SHPK: variants seen among roughly 807,000 people sequenced by gnomAD.
SHPK encodes the protein sedoheptulokinase.
In SHPK, 51 loss-of-function variants were observed where a neutral mutation model predicts 46.3. The ratio of observed to expected loss-of-function variants is 1.10; its 90% CI spans 0.88 to 1.39. The LOEUF (loss-of-function observed/expected upper bound fraction) is 1.39, where lower values mean the gene tolerates loss of function less well. SHPK is among the 40% of genes most tolerant of loss of function. The pLI is 0.00. For synonymous variants in SHPK, 290 were observed against 273.9 expected, an observed-to-expected ratio of 1.06 and a Z score of -0.58; for missense variants, 668 against 641.3, an observed-to-expected ratio of 1.04 and a Z score of -0.45.
At chr17:3,615,314 G>C in intron 6 of SHPK, 23 bp downstream of exon 6, 1 of 1,611,232 alleles carries the variant, frequency 6.2e-7, no homozygotes, top group Non-Finnish European at 8.5e-7. Context: ...AGAGAACACA[G>C]CGCTGTGTGG....
chr17:3,623,290 C>T, intron 4 of SHPK, 49 bp downstream of exon 4: 1 of 1,603,530 alleles, frequency 6.2e-7, no homozygotes. Flanking sequence ...TCCGGGGTTG[C>T]CCTTCAGATT....
rs377097464 is a variant in SHPK, at chr17:3,619,522, G to A, written c.823+1715C>T. The stretch of plus-strand genomic sequence containing the variant: ...GGCCAAGGCAGGCAGATCACAAGGT[G>A]AAGAGATTGAGACCATCCTGGCCAA... On this transcript the variant is annotated intron_variant, in intron 5 of 6. Coordinates refer to ENST00000225519, the MANE Select transcript of SHPK (RefSeq NM_013276.4). 134 of 586,072 alleles carry A rather than the reference G, an allele frequency of 2.3e-4. 2 individuals are homozygous for A. The East Asian group carries it at 4.8e-3, about 21-fold the overall frequency. 36.3% of individuals were successfully genotyped at this position (586,072 alleles called of 1,614,324 possible).
In SHPK at chr17:3,615,437, TG is replaced by T. The variant is rs2075366561; in HGVS notation, c.923del (p.Pro308HisfsTer34). ...CCCCCAGGTAGGTCCTGTTGAAGTA[TG>T]GGAAGTAGGCGACTGGGGCCGTAGG... Reference protein sequence around the residue: ...PDPTAPVAYFPYFNRTYLGVA... With the variant: ...PDPTAPVAYFXYFNRTYLGVA... On this transcript the variant is annotated frameshift_variant, in exon 6 of 7. Coordinates refer to ENST00000225519, the MANE Select transcript of SHPK (RefSeq NM_013276.4). LOFTEE classifies it high-confidence loss of function. The T allele has an allele frequency of 1.2e-6, 2 of 1,614,114 alleles. No homozygotes were observed. Among genetic ancestry groups the T allele is most frequent in the African/African-American group, 1.3e-5 (1 of 75,026 alleles).
At position 3,630,245 on chromosome 17, in the gene SHPK, C is replaced by A; in HGVS notation, c.270G>T (p.Ser90=). The A allele has an allele frequency of 6.2e-7, 1 of 1,613,718 alleles. No individual in the cohort carries two copies. Among genetic ancestry groups the A allele is most frequent in the Non-Finnish European group, 8.5e-7 (1 of 1,179,966 alleles). Residue 90 remains serine, a synonymous_variant, in exon 2 of 7, where the codon TCG becomes TCT. Coordinates refer to ENST00000225519, the MANE Select transcript of SHPK (RefSeq NM_013276.4). ...QLRSVVGIGV[S]GQMHGVVFWK... ...AAAACACGACTCCATGCATCTGGCC[C>A]GACACCCCGATGCCCACGACGCTCC...
rs1287027811 is a variant in SHPK at position 3,610,595 on chromosome 17, T to G, written c.1402A>C (p.Met468Leu). ...VDAAVGAALVMLRRHLNQKES is the reference protein window; with the variant it reads ...VDAAVGAALVLLRRHLNQKES Reference sequence around the variant, plus strand: ...TTCTGGTTGAGGTGTCTCCGGAGCATGACCAGAGCTGCCCCGACAGCTGCA... The same window carrying G: ...TTCTGGTTGAGGTGTCTCCGGAGCAGGACCAGAGCTGCCCCGACAGCTGCA... Residue 468 changes from methionine to leucine, a missense_variant, in exon 7 of 7, where the codon ATG becomes CTG. By Grantham distance (15) the Met-to-Leu change is conservative. Transcript: ENST00000225519. 6.2e-7 allele frequency: 1 copy of G among 1,611,494 alleles called. No homozygotes were observed. The highest frequency in any genetic ancestry group is 1.7e-5 in the Admixed American group (1 of 59,950).
In SHPK at chr17:3,622,553, C is replaced by G. The variant is rs2075409274; in HGVS notation, c.647+786G>C. Reference sequence around the variant, plus strand: ...CTGGAAAGTCCTTTACCTGAACTACCAGGTGCTTTTTGTTTTATTTCAGAG... The same window carrying G: ...CTGGAAAGTCCTTTACCTGAACTACGAGGTGCTTTTTGTTTTATTTCAGAG... On this transcript the variant is annotated intron_variant, in intron 4 of 6. Transcript: ENST00000225519. 3 of 983,464 alleles carry G rather than the reference C, an allele frequency of 3.1e-6. No homozygotes were observed. The African/African-American group carries it at 5.2e-5, about 17-fold the overall frequency. 60.9% of individuals were successfully genotyped at this position (983,464 alleles called of 1,614,324 possible). A position where few individuals can be genotyped will look rare whatever the true frequency, so the allele number is the denominator to read the frequency against.
At position 3,636,092 on chromosome 17, in the gene SHPK, C is replaced by G; in HGVS notation, c.128G>C (p.Arg43Pro). 1 of 1,600,988 alleles carries G rather than the reference C, an allele frequency of 6.2e-7. No individual in the cohort carries two copies. The highest frequency in any genetic ancestry group is 8.5e-7 in the Non-Finnish European group (1 of 1,174,698). Residue 43 changes from arginine to proline, a missense_variant, in exon 1 of 7, where the codon CGG becomes CCG. Physicochemically the swap from Arg to Pro is moderately radical, Grantham distance 103. Transcript: ENST00000225519. ...AVLASCARAA[R>P]AEAAVESAVA... is the part of the protein sequence containing the mutation. Reference sequence around the variant, plus strand: ...CGCGCTCTCGACCGCCGCCTCTGCCCGCGCAGCACGGGCACAGCTCGCCAG... The same window carrying G: ...CGCGCTCTCGACCGCCGCCTCTGCCGGCGCAGCACGGGCACAGCTCGCCAG...
intron 1 of SHPK, 85 bp from the exon 2 acceptor site, chr17:3,630,431 G>T: frequency 2.9e-6 from 4 of 1,358,484 alleles, no homozygotes; most frequent in Non-Finnish European, 4.0e-6. Flanking sequence ...CCTGGAGGAG[G>T]AATGCAGTGG....
intron 5 of SHPK, chr17:3,619,572 A>G: frequency 2.3e-6 from 1 of 443,882 alleles, no homozygotes; most frequent in Non-Finnish European, 4.2e-6. Flanking sequence ...GTGTCTACTA[A>G]AAATGCAAAC....
intron 1 of SHPK, among the ~76,000 whole-genome samples, chr17:3,631,094 G>C (rs760276916): frequency 1.3e-5 from 2 of 152,064 alleles, no homozygotes; most frequent in African/African-American, 2.4e-5. Flanking sequence ...CCTTGGTCAG[G>C]GGCAGCTCTT....
chr17:3,612,717 C>T (rs561712276), intron 6 of SHPK, among the ~76,000 whole-genome samples: 1 of 151,110 alleles, frequency 6.6e-6, no homozygotes, highest in African/African-American at 2.4e-5. Context: ...CCTAGGGCTT[C>T]TCCAACCTGA....
intron 1 of SHPK, among the ~76,000 whole-genome samples, chr17:3,632,887 A>T (rs1053465487): frequency 3.9e-5 from 6 of 152,066 alleles, no homozygotes; most frequent in Admixed American, 3.9e-4. Flanking sequence ...TTGTCTGCAC[A>T]GCTGCCAAGC....
At position 3,634,253 on chromosome 17, in the gene SHPK, A is replaced by G. The variant is rs1224328367; in HGVS notation, c.168+1799T>C. On this transcript the variant is annotated intron_variant, in intron 1 of 6. Transcript: ENST00000225519. ...AATCCCCCTCTGCGAGAAACACCCA[A>G]GAGTGATCAATTAAAAAAAAAAAAA... 3.4e-5 allele frequency among the ~76,000 whole-genome samples: 5 copies of G among 148,870 alleles called. No homozygotes were observed. The South Asian group carries it at 1.1e-3, about 33-fold the overall frequency.
At chr17:3,620,906 C>T (rs1232822233) in intron 5 of SHPK, among the ~76,000 whole-genome samples, 2 of 152,198 alleles carry the variant, frequency 1.3e-5, no homozygotes, top group Admixed American at 1.3e-4. Flanking sequence ...ACACAGTAAC[C>T]AAAACCCTCA....
chr17:3,618,517 C>T (rs2075380853), intron 5 of SHPK, among the ~76,000 whole-genome samples: 1 of 152,180 alleles, frequency 6.6e-6, no homozygotes, highest in Admixed American at 6.5e-5. Flanking sequence ...CACAGTGGCT[C>T]ACGCCTGTAA....
chr17:3,615,054 G>A (rs1381866030), intron 6 of SHPK, among the ~76,000 whole-genome samples: 1 of 152,094 alleles, frequency 6.6e-6, no homozygotes, highest in Admixed American at 6.6e-5. Flanking sequence ...GGAGCAGGGA[G>A]GGCGGGGGAA....
At position 3,610,974 on chromosome 17, in the gene SHPK, T is replaced by G; in HGVS notation, c.1025-2A>C. On this transcript the variant is annotated splice_acceptor_variant, in intron 6 of 6. Transcript: ENST00000225519. LOFTEE classifies it high-confidence loss of function. ...CAGTGGATTCTTCAACCTCCAGGCC[T>G]GCCAGAGACAGAGAAGATCTGTGTA... is the stretch of plus-strand genomic sequence containing the variant. 1.2e-6 allele frequency: 2 copies of G among 1,600,102 alleles called. No individual in the cohort carries two copies. The highest frequency in any genetic ancestry group is 1.7e-6 in the Non-Finnish European group (2 of 1,170,454).
Position 3,610,713 on chromosome 17 carries a change from C to T in SHPK, c.1284G>A (p.Met428Ile), listed in dbSNP as rs754869987. 6.2e-7 allele frequency: 1 copy of T among 1,614,152 alleles called. No individual in the cohort carries two copies. Among genetic ancestry groups the T allele is most frequent in the Admixed American group, 1.7e-5 (1 of 60,014 alleles). The change falls in exon 7 of 7, where the codon ATG (methionine) becomes ATA (isoleucine). Residue 428 changes from methionine to isoleucine, a missense_variant. Physicochemically the swap from Met to Ile is conservative, Grantham distance 10. Transcript: ENST00000225519. The stretch of plus-strand genomic sequence containing the variant: ...TCCTGGACAGCGCACTCCCACTGCC[C>T]ATCACCCTCTCCACGCCCCACTCCT... Reference protein sequence around the residue: ...QLQEWGVERVMGSGSALSRND... With the variant: ...QLQEWGVERVIGSGSALSRND...
intron 2 of SHPK, among the ~76,000 whole-genome samples, chr17:3,629,986 C>T (rs533027087): frequency 3.9e-5 from 6 of 152,256 alleles, no homozygotes; most frequent in African/African-American, 1.2e-4. Context: ...TCGTGGATAA[C>T]GTGCTGATGA....
Sources: gnomAD v4.1 joint callset for allele counts (sites outside exome capture counted in the v4.1 genomes callset) on GRCh38, gnomAD v4.1.1 for gene constraint, MANE v1.5 for transcripts, NCBI Gene and HGNC (gene_info 2026-07-23, HGNC 2026-07-21) for gene names.